Variants in DDX42 observed in about 807,000 individuals in gnomAD.
DDX42 encodes ATP-dependent RNA helicase DDX42.
A neutral mutation model predicts 101.5 loss-of-function variants in DDX42; 22 were observed. The ratio of observed to expected loss-of-function variants is 0.22; its 90% CI spans 0.15 to 0.31. The LOEUF (loss-of-function observed/expected upper bound fraction) is 0.31. DDX42 is among the 10% of genes least tolerant of loss of function. The probability of loss-of-function intolerance (pLI) is 1.00; values close to 1 mark genes in which losing one functional copy is unlikely to be tolerated. For synonymous variants in DDX42, 402 were observed against 401.2 expected (o/e 1.00, Z -0.02); for missense variants, 849 against 1,199.9 (o/e 0.71, Z 4.32).
At chr17:63,816,344 A>G (rs2039976876) in intron 16 of DDX42, among the ~76,000 whole-genome samples, 1 of 152,180 alleles carries the variant, frequency 6.6e-6, no homozygotes, top group South Asian at 2.1e-4. Flanking sequence ...ATAATAGGTA[A>G]TATTTATTGA....
rs547285038 is a variant in DDX42 at position 63,797,216 on chromosome 17, T to C, written c.373-822T>C. 2.6e-5 allele frequency among the ~76,000 whole-genome samples: 4 copies of C among 152,194 alleles called. No individual in the cohort carries two copies. The East Asian group carries it at 5.8e-4, about 22-fold the overall frequency. ...AAAATACAAAATTAGCTGGATGTGG[T>C]GGCTCATACCTGTAATCCCAGCTTA... On this transcript the variant is annotated intron_variant, in intron 3 of 17. Transcript: ENST00000389924.
intron 2 of DDX42, among the ~76,000 whole-genome samples, chr17:63,788,774 T>C (rs1409143573): frequency 2.6e-5 from 4 of 152,238 alleles, no homozygotes; most frequent in Non-Finnish European, 5.9e-5. Context: ...TTTAAGGGGT[T>C]GAGTTCTAAT....
intron 2 of DDX42, among the ~76,000 whole-genome samples, chr17:63,789,328 C>CTCCCAAAA (rs1355333962): frequency 2.6e-5 from 4 of 152,042 alleles, no homozygotes; most frequent in African/African-American, 9.7e-5. Context: ...ATCCACCCGC[C>CTCCCAAAA]TCAGCCTCCC....
chr17:63,808,719 T>G (rs1482405569), intron 9 of DDX42, 101 bp from the exon 10 acceptor site: 4 of 1,490,040 alleles, frequency 2.7e-6, no homozygotes, highest in Non-Finnish European at 3.7e-6. Flanking sequence ...TAGGTTTCGA[T>G]TTTTTATGAC....
intron 8 of DDX42, 80 bp from the exon 9 acceptor site, chr17:63,807,644 A>G: frequency 7.4e-7 from 1 of 1,344,212 alleles, no homozygotes; most frequent in Non-Finnish European, 1.0e-6. Flanking sequence ...GTTAGTAGTC[A>G]TTTATCATTC....
chr17:63,807,658 A>C, intron 8 of DDX42, 66 bp from the exon 9 acceptor site: 1 of 1,440,716 alleles, frequency 6.9e-7, no homozygotes. Flanking sequence ...ATCATTCCCC[A>C]GGATTTGCTT....
chr17:63,803,177 A>C (rs2039794087), intron 6 of DDX42, among the ~76,000 whole-genome samples: 1 of 152,246 alleles, frequency 6.6e-6, no homozygotes. Context: ...AATACATGAT[A>C]AATAAATGGA....
At chr17:63,804,457 T>A (rs1460411440) in intron 6 of DDX42, among the ~76,000 whole-genome samples, 1 of 152,220 alleles carries the variant, frequency 6.6e-6, no homozygotes, top group Non-Finnish European at 1.5e-5. Context: ...CTCCATGTTT[T>A]TAAACAGAAT....
chr17:63,799,560 G>A (rs747012426), intron 4 of DDX42, 29 bp from the exon 5 acceptor site: 1 of 1,612,692 alleles, frequency 6.2e-7, no homozygotes, highest in South Asian at 1.1e-5. Context: ...CATTTGCAGG[G>A]AAGTTTGTTT....
intron 3 of DDX42, 71 bp from the exon 4 acceptor site, chr17:63,797,966 GT>G: frequency 1.4e-6 from 2 of 1,432,162 alleles, no homozygotes; most frequent in Non-Finnish European, 1.9e-6. Context: ...TATGGCACTT[GT>G]TCCAATCTAA....
At chr17:63,794,613 C>T (rs2039669807) in intron 3 of DDX42, among the ~76,000 whole-genome samples, 1 of 150,228 alleles carries the variant, frequency 6.7e-6, no homozygotes, top group Admixed American at 6.7e-5. Flanking sequence ...TGAGGTTGGG[C>T]AGCATAGTGA....
intron 2 of DDX42, among the ~76,000 whole-genome samples, chr17:63,790,794 A>G (rs1265892029): frequency 6.6e-6 from 1 of 151,772 alleles, no homozygotes; most frequent in Non-Finnish European, 1.5e-5. Context: ...AACTGGGTGC[A>G]GTGGCGTGCA....
At chr17:63,804,665 C>T (rs941947407) in intron 6 of DDX42, among the ~76,000 whole-genome samples, 1 of 152,082 alleles carries the variant, frequency 6.6e-6, no homozygotes, top group African/African-American at 2.4e-5. Flanking sequence ...TCGAGGTTTC[C>T]TTAAGAGTCT....
chr17:63,809,759 A>G, intron 11 of DDX42, 100 bp downstream of exon 11: 2 of 905,150 alleles, frequency 2.2e-6, no homozygotes, highest in Non-Finnish European at 3.6e-6. Flanking sequence ...AGAAGCTAAA[A>G]ATACTCCTGG....
intron 15 of DDX42, among the ~76,000 whole-genome samples, chr17:63,814,675 C>CTTTTTTTTTT (rs58211962): frequency 9.6e-4 from 87 of 90,464 alleles, no homozygotes; most frequent in East Asian, 1.4e-3. Flanking sequence ...GAGACATTTG[C>CTTTTTTTTTT]TTTTTTTTTT....
Position 63,813,337 on chromosome 17 carries a change from A to G in DDX42, c.1785A>G (p.Lys595=), listed in dbSNP as rs1229871617. The G allele has an allele frequency of 3.7e-6, 6 of 1,614,102 alleles. No individual in the cohort carries two copies. The highest frequency in any genetic ancestry group is 5.1e-6 in the Non-Finnish European group (6 of 1,180,002). ...RIGRTGRAGE[K]GVAYTLLTPK... is the part of the protein sequence containing the mutation. The stretch of plus-strand genomic sequence containing the variant: ...GCCGCACAGGAAGAGCGGGTGAGAA[A>G]GGTGTGGCCTATACCCTACTCACTC... Residue 595 remains lysine (K), a synonymous_variant, in exon 15 of 18, where the codon AAA becomes AAG. Transcript: ENST00000389924.
At chr17:63,777,454 T>C (rs1411070230) in intron 1 of DDX42, among the ~76,000 whole-genome samples, 5 of 151,070 alleles carry the variant, frequency 3.3e-5, no homozygotes, top group Admixed American at 1.3e-4. Flanking sequence ...TTCTTTCTTT[T>C]TTTTTTTTTT....
At chr17:63,798,193 G>A in intron 4 of DDX42, 94 bp downstream of exon 4, 1 of 1,143,468 alleles carries the variant, frequency 8.7e-7, no homozygotes, top group South Asian at 1.4e-5. Flanking sequence ...AAAAAATATT[G>A]ACGTACACTT....
chr17:63,796,382 T>TCACCA (rs952892604), intron 3 of DDX42, among the ~76,000 whole-genome samples: 1 of 152,190 alleles, frequency 6.6e-6, no homozygotes, highest in Non-Finnish European at 1.5e-5. Context: ...CAGTCTCAGC[T>TCACCA]CACCACAACC....
Sources: gnomAD v4.1 joint callset for allele counts (sites outside exome capture counted in the v4.1 genomes callset) on GRCh38, gnomAD v4.1.1 for gene constraint, MANE v1.5 for transcripts, NCBI Gene and HGNC (gene_info 2026-07-23, HGNC 2026-07-21) for gene names.